RELL1: variants seen among roughly 807,000 people sequenced by gnomAD.
The protein encoded by RELL1 is RELT-like protein 1.
A neutral mutation model predicts 23.0 loss-of-function variants in RELL1; 10 were observed. The ratio of observed to expected loss-of-function variants is 0.43; its 90% CI spans 0.27 to 0.74. The LOEUF (loss-of-function observed/expected upper bound fraction) is 0.74, where lower values mean the gene tolerates loss of function less well. Ranked by LOEUF, RELL1 falls within the 30% of genes least tolerant of loss-of-function variation. The probability of loss-of-function intolerance (pLI) is 0.19; values close to 1 mark genes in which losing one functional copy is unlikely to be tolerated. For synonymous variants in RELL1, 146 were observed against 146.8 expected (o/e 0.99, Z 0.04); for missense variants, 315 against 364.4 (o/e 0.86, Z 1.10).
At chr4:37,639,342 C>CG (rs1332369996) in intron 3 of RELL1, among the ~76,000 whole-genome samples, 1 of 142,160 alleles carries the variant, frequency 7.0e-6, no homozygotes, top group African/African-American at 2.6e-5. Context: ...AGACATCACG[C>CG]CACTGCACTC....
At chr4:37,614,712 G>C (rs553499155) in intron 6 of RELL1, among the ~76,000 whole-genome samples, 4 of 151,330 alleles carry the variant, frequency 2.6e-5, no homozygotes, top group African/African-American at 9.7e-5. Flanking sequence ...GAATTTTCCA[G>C]GCAAAACCTT....
chr4:37,589,805 T>C (rs1209671634), downstream of RELL1, among the ~76,000 whole-genome samples: 1 of 152,200 alleles, frequency 6.6e-6, no homozygotes, highest in Non-Finnish European at 1.5e-5. Flanking sequence ...CTAATTTTTG[T>C]ATTTTTAGTA....
intron 6 of RELL1, among the ~76,000 whole-genome samples, chr4:37,602,851 C>T (rs901103744): frequency 7.9e-5 from 12 of 152,284 alleles, no homozygotes; most frequent in African/African-American, 2.9e-4. Context: ...TGACAGCATT[C>T]AGCGCGCGGG....
Position 37,649,309 on chromosome 4 carries a change from G to C in RELL1, c.280C>G (p.Gln94Glu), listed in dbSNP as rs760541142. The change falls in exon 2 of 7, where the codon CAA (glutamine) becomes GAA (glutamate). Residue 94 changes from glutamine (Q) to glutamate (E), a missense_variant. Gln to Glu is a conservative substitution (Grantham distance 29). Coordinates refer to ENST00000454158, the MANE Select transcript of RELL1 (RefSeq NM_001085400.2). ...KGYRCTTEAE[Q>E]DIEEEKVEKI... Reference sequence around the variant, plus strand: ...TCAACCTTTTCCTCTTCGATATCTTGCTCTGCTTCTGTTGTACAACGATAG... The same window carrying C: ...TCAACCTTTTCCTCTTCGATATCTTCCTCTGCTTCTGTTGTACAACGATAG... The C allele has an allele frequency of 6.8e-6, 11 of 1,614,010 alleles. No individual in the cohort carries two copies. Among genetic ancestry groups the C allele is most frequent in the Non-Finnish European group, 9.3e-6 (11 of 1,180,008 alleles).
At chr4:37,667,071 C>A (rs972700738) in intron 1 of RELL1, among the ~76,000 whole-genome samples, 1 of 152,044 alleles carries the variant, frequency 6.6e-6, no homozygotes, top group Non-Finnish European at 1.5e-5. Flanking sequence ...AAGGTCACTT[C>A]AGAAAAGGCA....
chr4:37,588,463 A>G (rs568343896), downstream of RELL1: 232 of 165,938 alleles, frequency 1.4e-3, 9 homozygotes, highest in South Asian at 0.04. Context: ...TGCTGCGTGC[A>G]GTGGGCCGTG....
At chr4:37,591,154 G>A in exon 7 of RELL1, 1 of 627,236 alleles carries the variant, frequency 1.6e-6, no homozygotes, top group Non-Finnish European at 2.7e-6. Flanking sequence ...GTCAGCATCT[G>A]TCCCATGCTG....
rs59763359 is a variant in RELL1 at position 37,630,356 on chromosome 4, G to GTTTTTTTTTTTTTTTTT, written c.*3+1012_*3+1028dup. Among the ~76,000 whole-genome samples, 3 of 86,744 alleles carry GTTTTTTTTTTTTTTTTT rather than the reference G, an allele frequency of 3.5e-5. 1 individual carries two copies. Among genetic ancestry groups the GTTTTTTTTTTTTTTTTT allele is most frequent in the African/African-American group, 1.4e-4 (3 of 20,772 alleles). The allele number at this position is 86,744 out of a possible 152,430, so 56.9% of individuals were successfully genotyped here. On this transcript the variant is annotated intron_variant, in intron 6 of 6. Coordinates refer to ENST00000454158, the MANE Select transcript of RELL1 (RefSeq NM_001085400.2). ...CAGGGTTCTGGTGCGTGTGTGTGTG[G>GTTTTTTTTTTTTTTTTT]TTTTTTTTTTTTTTTTTTTTTTTTT...
At chr4:37,669,181 T>G (rs1252758768) in intron 1 of RELL1, among the ~76,000 whole-genome samples, 12 of 80,968 alleles carry the variant, frequency 1.5e-4, no homozygotes, top group African/African-American at 4.9e-4. Flanking sequence ...GGGAGGGAGG[T>G]GGGGGGGGGG....
chr4:37,605,308 A>G (rs937510565), intron 6 of RELL1, among the ~76,000 whole-genome samples: 3 of 152,168 alleles, frequency 2.0e-5, no homozygotes, highest in Non-Finnish European at 4.4e-5. Flanking sequence ...CCCAGCATCA[A>G]TGAGGACACC....
chr4:37,669,553 C>T (rs1329146085), intron 1 of RELL1, among the ~76,000 whole-genome samples: 3 of 151,884 alleles, frequency 2.0e-5, no homozygotes, highest in African/African-American at 4.8e-5. Flanking sequence ...TCATTGAGAA[C>T]GGGCCATGAT....
intron 3 of RELL1, among the ~76,000 whole-genome samples, chr4:37,646,826 C>A (rs76814890): frequency 9.1e-4 from 138 of 152,170 alleles, no homozygotes; most frequent in African/African-American, 3.2e-3. Flanking sequence ...ATCCTGAGCT[C>A]AAGTGATCCT....
In RELL1 at chr4:37,612,330, A is replaced by AG. The variant is rs1304615445; in HGVS notation, c.*1015_*1016insC. ...ATCGCTCAGCTAAAGGTTAAAAAAAAAAAAAAAACAAAAAAAAACAAAAAA... is the reference window on the plus strand; with the variant it reads ...ATCGCTCAGCTAAAGGTTAAAAAAAAGAAAAAAAACAAAAAAAAACAAAAAA... On this transcript the variant is annotated 3_prime_UTR_variant, in exon 7 of 7. Transcript: ENST00000454158. 4.8e-4 allele frequency among the ~76,000 whole-genome samples: 12 copies of AG among 25,164 alleles called. No homozygotes were observed. Among genetic ancestry groups the AG allele is most frequent in the African/African-American group, 8.2e-4 (12 of 14,720 alleles). 16.5% of individuals were successfully genotyped at this position (25,164 alleles called of 152,430 possible).
intron 1 of RELL1, among the ~76,000 whole-genome samples, chr4:37,684,688 C>T (rs1421186937): frequency 6.6e-6 from 1 of 152,212 alleles, no homozygotes; most frequent in East Asian, 1.9e-4. Context: ...CATGGTGGCT[C>T]ATGCCTGTAA....
chr4:37,630,664 C>T (rs1251396415), intron 6 of RELL1, among the ~76,000 whole-genome samples: 1 of 151,966 alleles, frequency 6.6e-6, no homozygotes, highest in Non-Finnish European at 1.5e-5. Context: ...CGTGAGCCAC[C>T]GTGCCCAGCT....
intron 6 of RELL1, among the ~76,000 whole-genome samples, chr4:37,630,057 T>G (rs1720069072): frequency 6.6e-6 from 1 of 152,148 alleles, no homozygotes; most frequent in South Asian, 2.1e-4. Context: ...AGCTTGAACC[T>G]GGCAGTCTGA....
Position 37,653,123 on chromosome 4 carries a change from C to T in RELL1, c.89-3623G>A, listed in dbSNP as rs745793260. 1.1e-4 allele frequency among the ~76,000 whole-genome samples: 17 copies of T among 152,194 alleles called. 1 individual carries two copies. The Middle Eastern group carries it at 0.01, about 91-fold the overall frequency. On this transcript the variant is annotated intron_variant, in intron 1 of 6. Transcript: ENST00000454158. The stretch of plus-strand genomic sequence containing the variant: ...GAAAGCTGAGTCATTCAAGAAATTG[C>T]GTTTCCTTTTGTTCTTAGGCAGATA...
intron 6 of RELL1, among the ~76,000 whole-genome samples, chr4:37,617,440 G>A (rs1719612389): frequency 6.6e-6 from 1 of 152,120 alleles, no homozygotes; most frequent in African/African-American, 2.4e-5. Flanking sequence ...AAATGGGGGC[G>A]AAAACAAGTA....
At chr4:37,627,734 G>A (rs1414055189) in intron 6 of RELL1, among the ~76,000 whole-genome samples, 1 of 152,200 alleles carries the variant, frequency 6.6e-6, no homozygotes, top group Non-Finnish European at 1.5e-5. Flanking sequence ...AAGTGGATAT[G>A]CATTTGTATT....
Sources: gnomAD v4.1 joint callset for allele counts (sites outside exome capture counted in the v4.1 genomes callset) on GRCh38, gnomAD v4.1.1 for gene constraint, MANE v1.5 for transcripts, NCBI Gene and HGNC (gene_info 2026-07-23, HGNC 2026-07-21) for gene names.